FAT3: variants seen among roughly 807,000 people sequenced by gnomAD.
The protein encoded by FAT3 is protocadherin Fat 3.
In FAT3, 95 loss-of-function variants were observed where a neutral mutation model predicts 310.2. The observed-to-expected ratio is 0.31, with a 90% CI of 0.26 to 0.36. The LOEUF (loss-of-function observed/expected upper bound fraction) is 0.36, where lower values mean the gene tolerates loss of function less well. FAT3 is among the 10% of genes least tolerant of loss of function. The pLI, the probability that FAT3 is intolerant of heterozygous loss-of-function variation, is 1.00. For synonymous variants in FAT3, 2,314 were observed against 2,192.9 expected (o/e 1.06, Z -1.54); for missense variants, 5,408 against 5,715.6 (o/e 0.95, Z 1.74).
At chr11:92,556,007 G>A (rs1591444258) in intron 3 of FAT3, among the ~76,000 whole-genome samples, 1 of 152,170 alleles carries the variant, frequency 6.6e-6, no homozygotes, top group South Asian at 2.1e-4. Flanking sequence ...ACTGTTTATT[G>A]TGGATTACGG....
At chr11:92,476,681 A>G (rs767807434) in intron 2 of FAT3, among the ~76,000 whole-genome samples, 6 of 152,218 alleles carry the variant, frequency 3.9e-5, no homozygotes, top group Non-Finnish European at 7.3e-5. Flanking sequence ...AAAAAGCTTT[A>G]TAAACGAAGA....
At chr11:92,289,046 T>TG (rs1946625661) in intron 1 of FAT3, among the ~76,000 whole-genome samples, 1 of 152,196 alleles carries the variant, frequency 6.6e-6, no homozygotes, top group African/African-American at 2.4e-5. Flanking sequence ...CACCATTGGC[T>TG]GGGGGTCAGA....
intron 2 of FAT3, among the ~76,000 whole-genome samples, chr11:92,357,696 T>A (rs186819887): frequency 3.7e-4 from 56 of 152,110 alleles, no homozygotes; most frequent in Non-Finnish European, 6.0e-4. Context: ...CTTTTTTTTT[T>A]AAAATCAGGA....
intron 23 of FAT3, among the ~76,000 whole-genome samples, chr11:92,881,548 A>G (rs1010069494): frequency 1.3e-5 from 2 of 152,232 alleles, no homozygotes; most frequent in African/African-American, 2.4e-5. Context: ...AATTTAAAGT[A>G]ATAAAGCGGC....
intron 1 of FAT3, among the ~76,000 whole-genome samples, chr11:92,293,701 C>G (rs1946772483): frequency 6.6e-6 from 1 of 151,392 alleles, no homozygotes; most frequent in African/African-American, 2.4e-5. Context: ...GGTCTTCTAG[C>G]CCTCATAGCT....
chr11:92,567,737 G>A (rs1429533911), intron 3 of FAT3, among the ~76,000 whole-genome samples: 1 of 152,032 alleles, frequency 6.6e-6, no homozygotes, highest in Non-Finnish European at 1.5e-5. Context: ...TTCTTTGTAG[G>A]GACATGGATG....
intron 3 of FAT3, among the ~76,000 whole-genome samples, chr11:92,568,100 C>T (rs950117872): frequency 6.6e-6 from 1 of 152,070 alleles, no homozygotes; most frequent in Non-Finnish European, 1.5e-5. Flanking sequence ...TTGAATGTCT[C>T]CTAGGCCACC....
intron 4 of FAT3, among the ~76,000 whole-genome samples, chr11:92,736,392 G>A (rs562863818): frequency 6.6e-6 from 1 of 152,200 alleles, no homozygotes; most frequent in East Asian, 1.9e-4. Context: ...CTCAGACCAC[G>A]AACCATGTTC....
intron 4 of FAT3, among the ~76,000 whole-genome samples, chr11:92,714,476 A>G (rs537235824): frequency 2.6e-5 from 4 of 152,288 alleles, no homozygotes; most frequent in African/African-American, 9.6e-5. Context: ...CCTGGAAGCC[A>G]TCCACATCAT....
chr11:92,820,222 G>A (rs1334121519), intron 13 of FAT3, among the ~76,000 whole-genome samples: 1 of 152,252 alleles, frequency 6.6e-6, no homozygotes, highest in South Asian at 2.1e-4. Context: ...CAGGGTGTCA[G>A]CATTGGTCAG....
intron 2 of FAT3, among the ~76,000 whole-genome samples, chr11:92,464,426 G>A (rs531518822): frequency 4.6e-5 from 7 of 152,134 alleles, no homozygotes; most frequent in Non-Finnish European, 8.8e-5. Flanking sequence ...CACTATCTCC[G>A]ATTACTTAAA....
intron 3 of FAT3, among the ~76,000 whole-genome samples, chr11:92,576,744 G>T (rs923334435): frequency 1.3e-5 from 2 of 152,066 alleles, no homozygotes; most frequent in African/African-American, 2.4e-5. Flanking sequence ...TAGAAAAAGA[G>T]ATTTCTTTAC....
intron 1 of FAT3, among the ~76,000 whole-genome samples, chr11:92,290,110 T>C (rs1056476328): frequency 7.9e-5 from 12 of 152,130 alleles, no homozygotes; most frequent in Non-Finnish European, 7.4e-5. Flanking sequence ...TCTGCATGGC[T>C]CACTCCCTTA....
chr11:92,833,834 A>G (rs1377729910), intron 14 of FAT3, among the ~76,000 whole-genome samples: 1 of 152,226 alleles, frequency 6.6e-6, no homozygotes, highest in African/African-American at 2.4e-5. Flanking sequence ...TACTATTTAA[A>G]TTTAGCACTA....
intron 3 of FAT3, among the ~76,000 whole-genome samples, chr11:92,627,875 G>T (rs1941394976): frequency 6.6e-6 from 1 of 152,174 alleles, no homozygotes; most frequent in Non-Finnish European, 1.5e-5. Flanking sequence ...GGTACAATAT[G>T]AACATCTTTG....
intron 2 of FAT3, among the ~76,000 whole-genome samples, chr11:92,434,278 G>A (rs1950876128): frequency 1.3e-5 from 2 of 152,088 alleles, no homozygotes; most frequent in Admixed American, 6.6e-5. Flanking sequence ...GCAGACTGTT[G>A]CTATCTTAGA....
chr11:92,676,090 G>T (rs149368396), intron 3 of FAT3, among the ~76,000 whole-genome samples: 1 of 152,226 alleles, frequency 6.6e-6, no homozygotes, highest in East Asian at 1.9e-4. Flanking sequence ...AGAAAGTACG[G>T]ATGCTTTTAA....
chr11:92,803,297 C>T (rs978171974), intron 10 of FAT3, among the ~76,000 whole-genome samples: 9 of 152,190 alleles, frequency 5.9e-5, no homozygotes, highest in African/African-American at 1.9e-4. Flanking sequence ...CTTAAAGCTA[C>T]TGTTACTATT....
Position 92,749,673 on chromosome 11 carries a change from A to G in FAT3, c.3670-12183A>G, listed in dbSNP as rs116346863. Among the ~76,000 whole-genome samples, 1,400 of 152,294 alleles carry G rather than the reference A, an allele frequency of 9.2e-3. 17 individuals are homozygous for G. Among genetic ancestry groups the G allele is most frequent in the African/African-American group, 0.029 (1,220 of 41,556 alleles). ...TACTCAACGATGGGTACCTTCGTAC[A>G]TTTCTCTACCTATGTGGTGACCAGT... On this transcript the variant is annotated intron_variant, in intron 4 of 27. Coordinates refer to ENST00000525166, the MANE Select transcript of FAT3 (RefSeq NM_001367949.2).
Sources: gnomAD v4.1 joint callset for allele counts (sites outside exome capture counted in the v4.1 genomes callset) on GRCh38, gnomAD v4.1.1 for gene constraint, MANE v1.5 for transcripts, NCBI Gene and HGNC (gene_info 2026-07-23, HGNC 2026-07-21) for gene names.